SPATS2L: variants seen among roughly 807,000 people sequenced by gnomAD.
SPATS2L encodes the protein SPATS2-like protein.
SPATS2L carries 30 observed loss-of-function variants against 59.6 expected under a neutral mutation model. The observed-to-expected ratio is 0.50, with a 90% CI of 0.38 to 0.68. SPATS2L has a LOEUF of 0.68. SPATS2L is among the 30% of genes least tolerant of loss of function. SPATS2L has a pLI of 0.00. For synonymous variants in SPATS2L, 252 were observed against 263.5 expected, an observed-to-expected ratio of 0.96 and a Z score of 0.42; for missense variants, 615 against 700.0, an observed-to-expected ratio of 0.88 and a Z score of 1.37.
intron 1 of SPATS2L, among the ~76,000 whole-genome samples, chr2:200,316,812 A>G (rs998825165): frequency 7.9e-5 from 12 of 152,158 alleles, no homozygotes; most frequent in African/African-American, 2.9e-4. Context: ...AGTACTGAGA[A>G]CTACCAGCAA....
chr2:200,339,752 G>T (rs1310597133), intron 2 of SPATS2L, among the ~76,000 whole-genome samples: 2 of 152,128 alleles, frequency 1.3e-5, no homozygotes, highest in African/African-American at 4.8e-5. Flanking sequence ...ATCCATGTGG[G>T]CCAGAAGATC....
chr2:200,370,783 T>A (rs923276573), intron 2 of SPATS2L, among the ~76,000 whole-genome samples: 1 of 152,192 alleles, frequency 6.6e-6, no homozygotes, highest in East Asian at 1.9e-4. Context: ...GAGCTGAGAT[T>A]CAAGCCCAGA....
chr2:200,443,503 C>T (rs2084832898), intron 8 of SPATS2L, among the ~76,000 whole-genome samples: 1 of 152,076 alleles, frequency 6.6e-6, no homozygotes, highest in African/African-American at 2.4e-5. Context: ...GAAAGAATGC[C>T]AGTTCTGAGA....
intron 1 of SPATS2L, among the ~76,000 whole-genome samples, chr2:200,318,433 G>A (rs961101168): frequency 2.0e-5 from 3 of 152,082 alleles, no homozygotes; most frequent in East Asian, 1.9e-4. Flanking sequence ...GTAAATCTAC[G>A]TCCTCAAAAA....
chr2:200,419,492 C>A lies in SPATS2L; in HGVS notation c.441C>A (p.Val147=). Residue 147 remains valine, a synonymous_variant, in exon 6 of 13, where the codon GTC becomes GTA. Coordinates refer to ENST00000409140, the MANE Select transcript of SPATS2L (RefSeq NM_001100423.2). ...AACCTTCAAAGGCACTTCGTGGGGT[C>A]ACAGGTCAGTAATGCTTAAGTAAAA... ...LEEPSKALRG[V]TEGNRLLQQK... is the part of the protein sequence containing the mutation. 1 of 1,613,774 alleles carries A rather than the reference C, an allele frequency of 6.2e-7. No individual in the cohort carries two copies. The highest frequency in any genetic ancestry group is 8.5e-7 in the Non-Finnish European group (1 of 1,179,808).
rs777477202 is a variant in SPATS2L, at chr2:200,459,837, C to T, written c.847+10C>T. Reference sequence around the variant, plus strand: ...GTTAAAGAAGAAGCCAGTAAGTAGACAACACATGGTTATTTGATTAGGAGC... The same window carrying T: ...GTTAAAGAAGAAGCCAGTAAGTAGATAACACATGGTTATTTGATTAGGAGC... On this transcript the variant is annotated intron_variant, in intron 9 of 12. Coordinates refer to ENST00000409140, the MANE Select transcript of SPATS2L (RefSeq NM_001100423.2). The T allele has an allele frequency of 1.3e-6, 2 of 1,596,746 alleles. No individual in the cohort carries two copies. Among genetic ancestry groups the T allele is most frequent in the African/African-American group, 2.7e-5 (2 of 74,522 alleles).
At chr2:200,337,444 T>C (rs1426288453) in intron 2 of SPATS2L, among the ~76,000 whole-genome samples, 1 of 152,188 alleles carries the variant, frequency 6.6e-6, no homozygotes, top group Non-Finnish European at 1.5e-5. Flanking sequence ...AACCCCGAGA[T>C]TTCTTGGCTA....
intron 8 of SPATS2L, among the ~76,000 whole-genome samples, chr2:200,442,488 G>T (rs2084765708): frequency 6.6e-6 from 1 of 152,174 alleles, no homozygotes; most frequent in Admixed American, 6.5e-5. Context: ...GCTCATGAGG[G>T]TCATTGTTTG....
chr2:200,372,082 T>G, intron 2 of SPATS2L: 1 of 985,430 alleles, frequency 1.0e-6, no homozygotes, highest in Non-Finnish European at 1.2e-6. Flanking sequence ...CAGCTGGACT[T>G]GACTTGGCTT....
intron 1 of SPATS2L, among the ~76,000 whole-genome samples, chr2:200,325,130 A>T (rs1269040711): frequency 6.6e-6 from 1 of 152,172 alleles, no homozygotes; most frequent in African/African-American, 2.4e-5. Context: ...AAGCCAGGGA[A>T]TCTATAATCT....
intron 2 of SPATS2L, among the ~76,000 whole-genome samples, chr2:200,358,168 A>G (rs767656730): frequency 3.2e-4 from 48 of 152,214 alleles, no homozygotes; most frequent in African/African-American, 1.0e-3. Flanking sequence ...GCATAACTCT[A>G]TTTGGAAAGT....
At chr2:200,319,303 C>T (rs140944134) in intron 1 of SPATS2L, among the ~76,000 whole-genome samples, 3 of 152,242 alleles carry the variant, frequency 2.0e-5, no homozygotes, top group Non-Finnish European at 4.4e-5. Flanking sequence ...TTATGGCTCA[C>T]GCCTGTAATC....
At chr2:200,396,441 G>A (rs547804394) in intron 3 of SPATS2L, among the ~76,000 whole-genome samples, 4 of 152,250 alleles carry the variant, frequency 2.6e-5, no homozygotes, top group African/African-American at 4.8e-5. Flanking sequence ...GTTCATGTCT[G>A]TGTGTCGTGG....
intron 2 of SPATS2L, among the ~76,000 whole-genome samples, chr2:200,375,337 CT>C (rs2081563974): frequency 1.3e-5 from 2 of 152,004 alleles, no homozygotes. Flanking sequence ...AAAGTGTAGG[CT>C]TTGATCGAGA....
intron 3 of SPATS2L, among the ~76,000 whole-genome samples, chr2:200,408,181 A>G (rs888524148): frequency 1.3e-5 from 2 of 152,182 alleles, no homozygotes; most frequent in African/African-American, 4.8e-5. Context: ...TGGAATGTGC[A>G]ATTCAGACAT....
At chr2:200,458,842 T>G (rs2086041565) in intron 8 of SPATS2L, among the ~76,000 whole-genome samples, 1 of 152,204 alleles carries the variant, frequency 6.6e-6, no homozygotes, top group Admixed American at 6.5e-5. Flanking sequence ...TAAATTATTG[T>G]GGTCCCCAGA....
intron 2 of SPATS2L, among the ~76,000 whole-genome samples, chr2:200,388,610 A>G (rs1231033311): frequency 6.7e-4 from 3 of 4,504 alleles, no homozygotes; most frequent in African/African-American, 1.1e-3. Context: ...AGGTTTTGAG[A>G]TGCCCCCCCC....
intron 1 of SPATS2L, among the ~76,000 whole-genome samples, chr2:200,314,262 C>T (rs1168437641): frequency 1.3e-5 from 2 of 152,234 alleles, no homozygotes; most frequent in African/African-American, 4.8e-5. Context: ...AAACCCAGGA[C>T]AACTTCTTTG....
intron 2 of SPATS2L, among the ~76,000 whole-genome samples, chr2:200,342,888 T>C (rs2080380404): frequency 1.3e-5 from 2 of 152,074 alleles, no homozygotes; most frequent in South Asian, 4.1e-4. Flanking sequence ...AAATGTCCAA[T>C]TTAGAAAACA....
Sources: gnomAD v4.1 joint callset for allele counts (sites outside exome capture counted in the v4.1 genomes callset) on GRCh38, gnomAD v4.1.1 for gene constraint, MANE v1.5 for transcripts, NCBI Gene and HGNC (gene_info 2026-07-23, HGNC 2026-07-21) for gene names.